PCDH11X: variants seen among roughly 807,000 people sequenced by gnomAD.
The protein encoded by PCDH11X is protocadherin-11 X-linked.
A neutral mutation model predicts 53.3 loss-of-function variants in PCDH11X; 18 were observed. That is an observed-to-expected ratio of 0.34 (90% CI 0.23 to 0.50). PCDH11X has a LOEUF of 0.50. Ranked by LOEUF, PCDH11X falls within the 20% of genes least tolerant of loss-of-function variation. The pLI, the probability that PCDH11X is intolerant of heterozygous loss-of-function variation, is 0.98. For synonymous variants in PCDH11X, 279 were observed against 393.3 expected, an observed-to-expected ratio of 0.71 and a Z score of 3.44; for missense variants, 570 against 1,032.4, an observed-to-expected ratio of 0.55 and a Z score of 6.14.
intron 8 of PCDH11X, among the ~76,000 whole-genome samples, chrX:92,301,223 T>C (rs1379538789): frequency 1.5e-4 from 16 of 109,301 alleles, no homozygotes; most frequent in Non-Finnish European, 2.7e-4. Flanking sequence ...AGGCACCCCA[T>C]TTGAGTATTG....
rs1164156308 is a variant in PCDH11X, at chrX:92,242,582, A to G, written c.3115-20532A>G. On this transcript the variant is annotated intron_variant, in intron 7 of 10. Transcript: ENST00000682573. ...GGTTATTATGAATAAAGCTATGAAC[A>G]TTAGTGTACAATCTTTTGTGTAAAT... Among the ~76,000 whole-genome samples the G allele has an allele frequency of 3.6e-5, 4 of 111,828 alleles. No homozygotes were observed. The East Asian group carries it at 8.4e-4, about 24-fold the overall frequency.
At chrX:92,109,132 C>G (rs1445202108) in intron 6 of PCDH11X, among the ~76,000 whole-genome samples, 2 of 111,155 alleles carry the variant, frequency 1.8e-5, no homozygotes, top group Non-Finnish European at 3.8e-5. Flanking sequence ...TGCCTGTAAT[C>G]CCAGCACTTT....
At chrX:92,042,496 A>C (rs1224872800) in intron 6 of PCDH11X, among the ~76,000 whole-genome samples, 1 of 105,510 alleles carries the variant, frequency 9.5e-6, no homozygotes, top group Non-Finnish European at 1.9e-5. Flanking sequence ...ATGAGCACCT[A>C]CCATGTGATT....
At chrX:91,914,955 A>G (rs1338321177) in intron 6 of PCDH11X, among the ~76,000 whole-genome samples, 2 of 111,203 alleles carry the variant, frequency 1.8e-5, no homozygotes, top group African/African-American at 6.6e-5. Context: ...CAGGTTATCT[A>G]AAATCAAGAC....
At chrX:92,003,416 C>T (rs2062543421) in intron 6 of PCDH11X, among the ~76,000 whole-genome samples, 1 of 110,663 alleles carries the variant, frequency 9.0e-6, no homozygotes, top group African/African-American at 3.3e-5. Context: ...GCATTACTCC[C>T]TCCCCCTCTA....
chrX:92,368,366 A>G (rs1383676766), intron 8 of PCDH11X, among the ~76,000 whole-genome samples: 1 of 111,239 alleles, frequency 9.0e-6, no homozygotes, highest in Non-Finnish European at 1.9e-5. Context: ...GTTTCTCTCT[A>G]AACTCGTTAC....
chrX:92,579,091 G>C (rs1358853741), intron 10 of PCDH11X, among the ~76,000 whole-genome samples: 22 of 102,628 alleles, frequency 2.1e-4, no homozygotes, highest in African/African-American at 7.5e-4. Flanking sequence ...TTTCTGGCTT[G>C]TAGAGTTATC....
At chrX:92,503,113 A>G (rs1444666295) in intron 10 of PCDH11X, among the ~76,000 whole-genome samples, 1 of 111,124 alleles carries the variant, frequency 9.0e-6, no homozygotes, top group East Asian at 2.8e-4. Flanking sequence ...TGGCCAACAA[A>G]CATATGAAAA....
chrX:92,523,908 T>A (rs778006378), intron 10 of PCDH11X, among the ~76,000 whole-genome samples: 107 of 111,666 alleles, frequency 9.6e-4, no homozygotes, highest in African/African-American at 3.3e-3. Flanking sequence ...TTTTAGCATT[T>A]TTTTTCAAAT....
intron 8 of PCDH11X, among the ~76,000 whole-genome samples, chrX:92,276,656 T>C (rs759275686): frequency 2.7e-5 from 3 of 111,845 alleles, no homozygotes; most frequent in Non-Finnish European, 5.6e-5. Flanking sequence ...AAGTTTTTTC[T>C]ATTATTGTAC....
At chrX:92,387,345 G>A (rs191547053) in intron 8 of PCDH11X, among the ~76,000 whole-genome samples, 560 of 111,968 alleles carry the variant, frequency 5.0e-3, no homozygotes, top group African/African-American at 0.018. Context: ...CAGCAAAAAA[G>A]TATGGTTATA....
chrX:92,452,138 G>A (rs1193522652), intron 9 of PCDH11X, among the ~76,000 whole-genome samples: 1 of 107,180 alleles, frequency 9.3e-6, no homozygotes, highest in Non-Finnish European at 1.9e-5. Flanking sequence ...AATGCCTTCT[G>A]AGAATATTTA....
intron 6 of PCDH11X, among the ~76,000 whole-genome samples, chrX:92,038,947 T>C (rs1197725748): frequency 5.4e-5 from 6 of 111,556 alleles, no homozygotes; most frequent in Non-Finnish European, 1.1e-4. Flanking sequence ...AATAAACCTC[T>C]TTCCTGTATA....
intron 1 of PCDH11X, among the ~76,000 whole-genome samples, chrX:91,790,992 GTAC>G (rs1227364402): frequency 1.9e-5 from 2 of 103,947 alleles, no homozygotes; most frequent in Non-Finnish European, 3.9e-5. Context: ...CGATGAAACT[GTAC>G]TAGTCTTTTC....
chrX:91,981,310 A>G (rs1489005360), intron 6 of PCDH11X, among the ~76,000 whole-genome samples: 1 of 109,712 alleles, frequency 9.1e-6, no homozygotes, highest in Admixed American at 9.9e-5. Flanking sequence ...GTTCCATCAC[A>G]CTGGTTCCTA....
At chrX:92,549,484 T>C (rs757891069) in intron 10 of PCDH11X, among the ~76,000 whole-genome samples, 3 of 109,913 alleles carry the variant, frequency 2.7e-5, no homozygotes, top group South Asian at 7.8e-4. Context: ...TCTGAAATAA[T>C]AGAAAAAATG....
chrX:92,395,209 A>T (rs185548875), intron 9 of PCDH11X, among the ~76,000 whole-genome samples: 618 of 111,470 alleles, frequency 5.5e-3, no homozygotes, highest in African/African-American at 0.019. Flanking sequence ...AATAGTGTAT[A>T]TGAAATAAGC....
At chrX:92,551,989 GTTTTTTT>G (rs56334896) in intron 10 of PCDH11X, among the ~76,000 whole-genome samples, 1 of 76,158 alleles carries the variant, frequency 1.3e-5, no homozygotes, top group South Asian at 7.8e-4. Context: ...GATTCCTCTG[GTTTTTTT>G]TTTTTTTTTT....
At chrX:92,104,864 G>A (rs1220655991) in intron 6 of PCDH11X, among the ~76,000 whole-genome samples, 1 of 110,189 alleles carries the variant, frequency 9.1e-6, no homozygotes, top group Non-Finnish European at 1.9e-5. Flanking sequence ...GAGATAAGAG[G>A]TTGGGGCGTG....
Sources: gnomAD v4.1 joint callset for allele counts (sites outside exome capture counted in the v4.1 genomes callset) on GRCh38, gnomAD v4.1.1 for gene constraint, MANE v1.5 for transcripts, NCBI Gene and HGNC (gene_info 2026-07-23, HGNC 2026-07-21) for gene names.